Variants in SLC24A3 observed in about 807,000 individuals in gnomAD.
SLC24A3 encodes sodium/potassium/calcium exchanger 3.
Under a neutral mutation model 75.8 loss-of-function variants are expected in SLC24A3, and 28 were observed. That is an observed-to-expected ratio of 0.37 (90% CI 0.27 to 0.51). The LOEUF is 0.51. Among genes scored for constraint, SLC24A3 ranks in the 20% least tolerant of loss-of-function variants. The pLI is 0.94. For synonymous variants in SLC24A3, 372 were observed against 334.1 expected (o/e 1.11, Z -1.24); for missense variants, 663 against 847.8 (o/e 0.78, Z 2.71).
chr20:19,461,586 G>A lies in SLC24A3; in HGVS notation c.272-53902G>A, dbSNP rs187731065. Among the ~76,000 whole-genome samples the A allele has an allele frequency of 6.8e-5, 9 of 133,174 alleles. No homozygotes were observed. The East Asian group carries it at 2.0e-3, about 30-fold the overall frequency. 87.4% of individuals were successfully genotyped at this position (133,174 alleles called of 152,430 possible). Reference sequence around the variant, plus strand: ...CTTGCTCTGTCGCCCAGGCTAGAGTGCAGTGGCACAATCTTGGCTCACTGC... The same window carrying A: ...CTTGCTCTGTCGCCCAGGCTAGAGTACAGTGGCACAATCTTGGCTCACTGC... On this transcript the variant is annotated intron_variant, in intron 2 of 16. Coordinates refer to ENST00000328041, the MANE Select transcript of SLC24A3 (RefSeq NM_020689.4).
intron 2 of SLC24A3, among the ~76,000 whole-genome samples, chr20:19,431,303 A>AG (rs1391929330): frequency 7.0e-6 from 1 of 142,412 alleles, no homozygotes; most frequent in Non-Finnish European, 1.5e-5. Flanking sequence ...GAGCTGGGGG[A>AG]GGGTTGGGAG....
At chr20:19,714,525 C>T (rs1317341727) in intron 15 of SLC24A3, among the ~76,000 whole-genome samples, 5 of 152,054 alleles carry the variant, frequency 3.3e-5, no homozygotes, top group Non-Finnish European at 7.4e-5. Context: ...GCTGAAGGAG[C>T]CCTCATTCCT....
intron 2 of SLC24A3, among the ~76,000 whole-genome samples, chr20:19,427,674 G>A (rs1277080977): frequency 1.3e-5 from 2 of 152,128 alleles, no homozygotes; most frequent in East Asian, 1.9e-4. Context: ...CCCGCCCTCC[G>A]ACTTGTCCTC....
chr20:19,291,716 C>T (rs1278544648), intron 2 of SLC24A3, among the ~76,000 whole-genome samples: 1 of 152,212 alleles, frequency 6.6e-6, no homozygotes, highest in Non-Finnish European at 1.5e-5. Flanking sequence ...CCATCCCTGT[C>T]AAAACCTTTG....
chr20:19,555,292 G>A (rs1407257620), intron 3 of SLC24A3, among the ~76,000 whole-genome samples: 1 of 152,128 alleles, frequency 6.6e-6, no homozygotes, highest in African/African-American at 2.4e-5. Context: ...AGGCTCAGTG[G>A]TGGCAGCAAA....
intron 1 of SLC24A3, among the ~76,000 whole-genome samples, chr20:19,217,244 T>A (rs553314688): frequency 2.6e-4 from 39 of 152,212 alleles, no homozygotes; most frequent in Non-Finnish European, 1.3e-4. Context: ...GAGAAGGGCA[T>A]AGATACCAGC....
chr20:19,505,415 G>T (rs1600257126), intron 2 of SLC24A3, among the ~76,000 whole-genome samples: 1 of 152,192 alleles, frequency 6.6e-6, no homozygotes, highest in East Asian at 1.9e-4. Flanking sequence ...ACAAATCTTT[G>T]TTGAAATAGA....
At chr20:19,241,833 T>C (rs1490760797) in intron 1 of SLC24A3, among the ~76,000 whole-genome samples, 1 of 152,192 alleles carries the variant, frequency 6.6e-6, no homozygotes, top group Non-Finnish European at 1.5e-5. Context: ...CAGCTTCCCC[T>C]GACAATGGGG....
intron 3 of SLC24A3, among the ~76,000 whole-genome samples, chr20:19,520,546 C>G (rs555363611): frequency 6.6e-6 from 1 of 152,304 alleles, no homozygotes; most frequent in South Asian, 2.1e-4. Flanking sequence ...AGGCTCTCTA[C>G]GGCGCAGGTC....
intron 2 of SLC24A3, among the ~76,000 whole-genome samples, chr20:19,287,809 C>G (rs1881839393): frequency 6.6e-6 from 1 of 152,228 alleles, no homozygotes; most frequent in Admixed American, 6.5e-5. Context: ...GTGGAAAGAA[C>G]TTGGGTTCTG....
intron 2 of SLC24A3, among the ~76,000 whole-genome samples, chr20:19,359,171 G>T (rs550887988): frequency 6.6e-6 from 1 of 152,256 alleles, no homozygotes; most frequent in East Asian, 1.9e-4. Flanking sequence ...GTAATTTTAT[G>T]ATTGATTTGT....
intron 8 of SLC24A3, among the ~76,000 whole-genome samples, chr20:19,667,291 A>G (rs2032409971): frequency 1.3e-5 from 2 of 152,234 alleles, no homozygotes. Flanking sequence ...TCTTTGAATC[A>G]TAGTGACCAA....
chr20:19,584,789 C>A (rs919787082), intron 4 of SLC24A3, among the ~76,000 whole-genome samples, 182 bp from the exon 5 acceptor site: 1 of 152,198 alleles, frequency 6.6e-6, no homozygotes, highest in African/African-American at 2.4e-5. Context: ...GCAGTGGCTG[C>A]GCTCTGTGAG....
intron 9 of SLC24A3, among the ~76,000 whole-genome samples, chr20:19,678,369 G>A (rs1474730767): frequency 1.6e-5 from 2 of 123,080 alleles, no homozygotes; most frequent in Non-Finnish European, 3.6e-5. Context: ...CGGACGGGGC[G>A]GCTGGCCGGG....
At chr20:19,470,009 C>T (rs11698024) in intron 2 of SLC24A3, among the ~76,000 whole-genome samples, 2 of 151,938 alleles carry the variant, frequency 1.3e-5, no homozygotes, top group South Asian at 4.1e-4. Context: ...AGCCAGGGAC[C>T]CTTGCTTGAG....
At chr20:19,410,633 C>T (rs1229362142) in intron 2 of SLC24A3, among the ~76,000 whole-genome samples, 2 of 152,024 alleles carry the variant, frequency 1.3e-5, no homozygotes, top group Non-Finnish European at 2.9e-5. Flanking sequence ...TCCAAAAAGC[C>T]GAAACCACAT....
At chr20:19,291,150 G>GGA (rs1983932771) in intron 2 of SLC24A3, among the ~76,000 whole-genome samples, 1 of 152,232 alleles carries the variant, frequency 6.6e-6, no homozygotes, top group Non-Finnish European at 1.5e-5. Flanking sequence ...GTGCCCCTGG[G>GGA]GCTGAGGGCA....
At chr20:19,494,450 T>G (rs1002307746) in intron 2 of SLC24A3, among the ~76,000 whole-genome samples, 1 of 152,156 alleles carries the variant, frequency 6.6e-6, no homozygotes, top group Non-Finnish European at 1.5e-5. Flanking sequence ...TTCCAAGTAA[T>G]GAAATCATCT....
chr20:19,271,821 C>T (rs1983339969), intron 1 of SLC24A3, among the ~76,000 whole-genome samples: 1 of 151,976 alleles, frequency 6.6e-6, no homozygotes, highest in South Asian at 2.1e-4. Context: ...CTCTGGGGAC[C>T]TGGAGGGAAG....
Sources: allele counts gnomAD v4.1 joint callset (sites outside exome capture counted in the v4.1 genomes callset), GRCh38; gene constraint gnomAD v4.1.1; transcripts MANE v1.5; gene names NCBI Gene and HGNC (gene_info 2026-07-23, HGNC 2026-07-21).